Variants in LRP1B observed in about 807,000 individuals in gnomAD.
LRP1B encodes LDL receptor related protein 1B.
LRP1B carries 217 observed loss-of-function variants against 556.6 expected under a neutral mutation model. That is an observed-to-expected ratio of 0.39 (90% CI 0.35 to 0.44). The LOEUF is 0.44. Among genes scored for constraint, LRP1B ranks in the 20% least tolerant of loss-of-function variants. LRP1B has a pLI of 1.00. For missense variants in LRP1B, 5,053 were observed against 5,620.8 expected, an observed-to-expected ratio of 0.90 and a Z score of 3.23; for synonymous variants, 2,047 against 1,865.8, an observed-to-expected ratio of 1.10 and a Z score of -2.50.
chr2:140,651,294 T>C (rs1309325823), intron 41 of LRP1B, among the ~76,000 whole-genome samples: 2 of 128,194 alleles, frequency 1.6e-5, no homozygotes, highest in Non-Finnish European at 3.1e-5. Context: ...TAGGTGGGAA[T>C]TGAACAATGA....
intron 1 of LRP1B, among the ~76,000 whole-genome samples, chr2:141,983,282 TC>T (rs1280712141): frequency 6.6e-6 from 1 of 152,138 alleles, no homozygotes; most frequent in African/African-American, 2.4e-5. Context: ...CACAAATTGG[TC>T]CCCGCTACAG....
chr2:141,356,773 G>T (rs74907197), intron 3 of LRP1B, among the ~76,000 whole-genome samples: 1 of 152,168 alleles, frequency 6.6e-6, no homozygotes, highest in African/African-American at 2.4e-5. Flanking sequence ...AAAAGTCTAT[G>T]CATGAATATT....
At chr2:141,740,784 A>G (rs182839458) in intron 2 of LRP1B, among the ~76,000 whole-genome samples, 34 of 152,302 alleles carry the variant, frequency 2.2e-4, no homozygotes, top group Admixed American at 1.2e-3. Context: ...CAGCTAGAGC[A>G]CTGGCCTCGG....
chr2:141,432,793 C>CT (rs1209568903), intron 3 of LRP1B, among the ~76,000 whole-genome samples: 1 of 151,378 alleles, frequency 6.6e-6, no homozygotes, highest in Non-Finnish European at 1.5e-5. Flanking sequence ...GAGTATTTTG[C>CT]TTTTTTTTCT....
At chr2:142,073,695 G>A (rs577573114) in intron 1 of LRP1B, among the ~76,000 whole-genome samples, 1 of 151,974 alleles carries the variant, frequency 6.6e-6, no homozygotes, top group Non-Finnish European at 1.5e-5. Context: ...ATGTTCAATT[G>A]TAATCCCCAT....
intron 2 of LRP1B, among the ~76,000 whole-genome samples, chr2:141,508,478 T>C (rs538524239): frequency 6.6e-6 from 1 of 152,296 alleles, no homozygotes; most frequent in Admixed American, 6.5e-5. Flanking sequence ...CTTTCCAGTG[T>C]ATAAAGAGAA....
At chr2:141,558,708 A>G (rs1218677922) in intron 2 of LRP1B, among the ~76,000 whole-genome samples, 1 of 151,828 alleles carries the variant, frequency 6.6e-6, no homozygotes, top group Non-Finnish European at 1.5e-5. Flanking sequence ...TCTTAGCTGT[A>G]GACTATGTTT....
At chr2:141,614,463 G>A (rs1013064456) in intron 2 of LRP1B, among the ~76,000 whole-genome samples, 2 of 152,144 alleles carry the variant, frequency 1.3e-5, no homozygotes, top group Admixed American at 1.3e-4. Context: ...TGGTACCTGT[G>A]CATGTGACTT....
At chr2:140,425,331 G>T (rs185210277) in intron 66 of LRP1B, among the ~76,000 whole-genome samples, 1 of 152,086 alleles carries the variant, frequency 6.6e-6, no homozygotes, top group Non-Finnish European at 1.5e-5. Context: ...GATCAAGGAA[G>T]CTGTATTGAG....
chr2:141,240,289 A>AT (rs576842614), intron 5 of LRP1B, among the ~76,000 whole-genome samples: 8 of 151,354 alleles, frequency 5.3e-5, no homozygotes, highest in Admixed American at 2.0e-4. Context: ...ATTACCCCAG[A>AT]TTTTTTTTTC....
intron 41 of LRP1B, among the ~76,000 whole-genome samples, chr2:140,695,684 A>G (rs1574251058): frequency 6.6e-6 from 1 of 152,316 alleles, no homozygotes; most frequent in East Asian, 1.9e-4. Context: ...ATGGCCTAAA[A>G]GTGTAGACTT....
intron 1 of LRP1B, among the ~76,000 whole-genome samples, chr2:141,994,324 A>G (rs1702428144): frequency 6.6e-6 from 1 of 152,214 alleles, no homozygotes; most frequent in Non-Finnish European, 1.5e-5. Flanking sequence ...CATAATAAAA[A>G]TTATTTCATA....
intron 35 of LRP1B, among the ~76,000 whole-genome samples, chr2:140,751,436 A>G (rs942504343): frequency 6.6e-5 from 10 of 152,370 alleles, no homozygotes; most frequent in East Asian, 1.9e-4. Flanking sequence ...TGTGATGATC[A>G]TAACAGCACA....
At chr2:140,716,624 G>A in intron 36 of LRP1B, 58 bp downstream of exon 36, 2 of 1,523,658 alleles carry the variant, frequency 1.3e-6, no homozygotes, top group Non-Finnish European at 1.8e-6. Flanking sequence ...TTATGAAGCA[G>A]TTTGAGCCCC....
intron 2 of LRP1B, among the ~76,000 whole-genome samples, chr2:141,505,178 A>G (rs1452040975): frequency 6.6e-6 from 1 of 151,822 alleles, no homozygotes; most frequent in Non-Finnish European, 1.5e-5. Context: ...ATACTGATAC[A>G]GTATAACAGC....
Position 141,261,468 on chromosome 2 carries a change from A to T in LRP1B, c.344-6827T>A, listed in dbSNP as rs562814096. Among the ~76,000 whole-genome samples the T allele has an allele frequency of 3.5e-3, 531 of 152,290 alleles. 6 individuals carry two copies. The highest frequency in any genetic ancestry group is 5.9e-3 in the Non-Finnish European group (398 of 68,028). Reference sequence around the variant, plus strand: ...AACCAATACCATTCATAAGATACAGAACAGGATCATTACCCCAAAATACCC... The same window carrying T: ...AACCAATACCATTCATAAGATACAGTACAGGATCATTACCCCAAAATACCC... On this transcript the variant is annotated intron_variant, in intron 3 of 90. Transcript: ENST00000389484.
intron 2 of LRP1B, among the ~76,000 whole-genome samples, chr2:141,614,904 G>C (rs937044012): frequency 2.0e-5 from 3 of 152,180 alleles, no homozygotes; most frequent in Admixed American, 6.5e-5. Flanking sequence ...CAGAATGTGG[G>C]GTTCTGGAAC....
intron 11 of LRP1B, among the ~76,000 whole-genome samples, chr2:141,040,710 C>T (rs1698672418): frequency 6.6e-6 from 1 of 151,948 alleles, no homozygotes; most frequent in Non-Finnish European, 1.5e-5. Context: ...AATTGATGGG[C>T]TACACATTTC....
intron 1 of LRP1B, among the ~76,000 whole-genome samples, chr2:141,834,671 G>A (rs2105750702): frequency 6.6e-6 from 1 of 152,070 alleles, no homozygotes; most frequent in South Asian, 2.1e-4. Context: ...GGTGGACAGG[G>A]CCACTATGGT....
Sources: gnomAD v4.1 joint callset for allele counts (sites outside exome capture counted in the v4.1 genomes callset) on GRCh38, gnomAD v4.1.1 for gene constraint, MANE v1.5 for transcripts, NCBI Gene and HGNC (gene_info 2026-07-23, HGNC 2026-07-21) for gene names.